HFM1: variants seen among roughly 807,000 people sequenced by gnomAD.
HFM1 encodes the protein helicase for meiosis 1.
In HFM1, 169 loss-of-function variants were observed where a neutral mutation model predicts 192.1. That is an observed-to-expected ratio of 0.88 (90% CI 0.78 to 1.00). The LOEUF (loss-of-function observed/expected upper bound fraction) is 1.00, where lower values mean the gene tolerates loss of function less well. HFM1 is among the 50% of genes least tolerant of loss of function. The probability of loss-of-function intolerance (pLI) is 0.00; values close to 1 mark genes in which losing one functional copy is unlikely to be tolerated. For missense variants in HFM1, 1,661 were observed against 1,668.0 expected (o/e 1.00, Z 0.07); for synonymous variants, 525 against 537.8 (o/e 0.98, Z 0.33).
chr1:91,337,244 T>A (rs527634653), intron 20 of HFM1, among the ~76,000 whole-genome samples: 1 of 152,054 alleles, frequency 6.6e-6, no homozygotes, highest in Non-Finnish European at 1.5e-5. Context: ...CGGGAAAAAA[T>A]TGGCCTTTTG....
At chr1:91,325,811 A>G (rs1652813167) in intron 20 of HFM1, among the ~76,000 whole-genome samples, 1 of 152,204 alleles carries the variant, frequency 6.6e-6, no homozygotes, top group Non-Finnish European at 1.5e-5. Flanking sequence ...CCTTTCAGAC[A>G]GAGAATTCAA....
chr1:91,385,513 C>T (rs1557505957), intron 5 of HFM1, 62 bp downstream of exon 5: 7 of 1,327,444 alleles, frequency 5.3e-6, no homozygotes, highest in Non-Finnish European at 7.3e-6. Context: ...ACATTTTCCC[C>T]CATGCTAAGA....
At chr1:91,368,860 C>T (rs937142967) in intron 13 of HFM1, among the ~76,000 whole-genome samples, 3 of 152,062 alleles carry the variant, frequency 2.0e-5, no homozygotes, top group Non-Finnish European at 4.4e-5. Flanking sequence ...ACCCATCTCA[C>T]GTGCAGAGAC....
intron 13 of HFM1, among the ~76,000 whole-genome samples, chr1:91,365,809 T>C (rs1304854575): frequency 6.6e-6 from 1 of 152,088 alleles, no homozygotes. Context: ...GCTTATTTAA[T>C]TATCATAGAA....
chr1:91,344,092 G>C (rs1386600385), intron 19 of HFM1, among the ~76,000 whole-genome samples: 1 of 152,266 alleles, frequency 6.6e-6, no homozygotes, highest in East Asian at 1.9e-4. Flanking sequence ...ACTTAAAACT[G>C]TTTTAACTGA....
intron 36 of HFM1, among the ~76,000 whole-genome samples, chr1:91,265,244 G>T (rs894619743): frequency 3.3e-5 from 5 of 152,078 alleles, no homozygotes; most frequent in Non-Finnish European, 1.5e-5. Context: ...GACACATCTG[G>T]CCTACAGATA....
chr1:91,299,326 A>G (rs917686298), intron 30 of HFM1, among the ~76,000 whole-genome samples: 16 of 152,252 alleles, frequency 1.1e-4, no homozygotes, highest in African/African-American at 3.4e-4. Flanking sequence ...CTCCCACACA[A>G]TAATAATGGG....
At chr1:91,278,433 G>C (rs905440765) in intron 30 of HFM1, among the ~76,000 whole-genome samples, 1 of 152,134 alleles carries the variant, frequency 6.6e-6, no homozygotes, top group African/African-American at 2.4e-5. Context: ...GAGACAAAGG[G>C]AAGATATTCC....
intron 20 of HFM1, among the ~76,000 whole-genome samples, chr1:91,337,226 A>T (rs12060327): frequency 1.2e-4 from 18 of 152,084 alleles, no homozygotes; most frequent in Non-Finnish European, 1.9e-4. Context: ...ATACCAGAAC[A>T]GTTGAAGCGG....
At chr1:91,281,705 T>C (rs532755943) in intron 30 of HFM1, among the ~76,000 whole-genome samples, 222 of 152,338 alleles carry the variant, frequency 1.5e-3, no homozygotes, top group African/African-American at 5.3e-3. Flanking sequence ...TTGAAAATCA[T>C]TTTTCCCTTG....
chr1:91,403,379 A>C (rs1044237707), intron 1 of HFM1, among the ~76,000 whole-genome samples: 1 of 152,198 alleles, frequency 6.6e-6, no homozygotes, highest in South Asian at 2.1e-4. Flanking sequence ...CAGTTAAAAA[A>C]TGTGAAATTT....
intron 25 of HFM1, among the ~76,000 whole-genome samples, chr1:91,317,009 AT>A (rs1466202841): frequency 6.6e-6 from 1 of 152,126 alleles, no homozygotes; most frequent in Non-Finnish European, 1.5e-5. Flanking sequence ...CTGGAGCCAA[AT>A]TTCCTTACCT....
At position 91,274,734 on chromosome 1, in the gene HFM1, A is replaced by T. The variant is rs1557761045; in HGVS notation, c.3664T>A (p.Ser1222Thr). 6.8e-7 allele frequency: 1 copy of T among 1,462,806 alleles called. No individual in the cohort carries two copies. The highest frequency in any genetic ancestry group is 9.6e-7 in the Non-Finnish European group (1 of 1,045,216). The allele number at this position is 1,462,806 out of a possible 1,614,324, so 90.6% of individuals were successfully genotyped here. A position where few individuals can be genotyped will look rare whatever the true frequency, so the allele number is the denominator to read the frequency against. Residue 1222 changes from serine (S) to threonine (T), a missense_variant, in exon 33 of 39, where the codon TCA (serine) becomes ACA (threonine). Coordinates refer to ENST00000370425, the MANE Select transcript of HFM1 (RefSeq NM_001017975.6). The stretch of plus-strand genomic sequence containing the variant: ...ATATTAACATTATATTTGTACCTTG[A>T]TATACTAGGAAGGGAAGGTTTTGGA... Reference protein sequence around the residue: ...FTPKPSLPSISRSEYLNISEL... With the variant: ...FTPKPSLPSITRSEYLNISEL...
rs1198038060 is a variant in HFM1, at chr1:91,378,492, A to T, written c.1159-12T>A. 6.6e-7 allele frequency: 1 copy of T among 1,524,872 alleles called. No homozygotes were observed. The highest frequency in any genetic ancestry group is 9.1e-7 in the Non-Finnish European group (1 of 1,103,096). The allele number at this position is 1,524,872 out of a possible 1,614,324, so 94.5% of individuals were successfully genotyped here. On this transcript the variant is annotated splice_polypyrimidine_tract_variant and intron_variant, in intron 9 of 38. Transcript: ENST00000370425. Reference sequence around the variant, plus strand: ...CTATCCCATTTTTCCTAGAGAGAAAAAAAAGCATACAAGTAGTTTAATGTG... The same window carrying T: ...CTATCCCATTTTTCCTAGAGAGAAATAAAAGCATACAAGTAGTTTAATGTG...
chr1:91,281,086 G>C (rs1251822258), intron 30 of HFM1, among the ~76,000 whole-genome samples: 1 of 152,208 alleles, frequency 6.6e-6, no homozygotes, highest in Non-Finnish European at 1.5e-5. Context: ...TCACCATATA[G>C]AGTGTAATAT....
At chr1:91,333,862 T>G (rs1342683371) in intron 20 of HFM1, among the ~76,000 whole-genome samples, 3 of 152,114 alleles carry the variant, frequency 2.0e-5, no homozygotes, top group African/African-American at 7.2e-5. Flanking sequence ...TCTCTAGAAT[T>G]TATAGGTTGG....
intron 30 of HFM1, among the ~76,000 whole-genome samples, chr1:91,279,692 T>C (rs531035248): frequency 2.0e-5 from 3 of 152,302 alleles, no homozygotes; most frequent in Admixed American, 1.3e-4. Context: ...TCTCTTGTCT[T>C]AGAAGACCCT....
At chr1:91,300,149 T>C (rs1217394399) in intron 30 of HFM1, among the ~76,000 whole-genome samples, 1 of 152,118 alleles carries the variant, frequency 6.6e-6, no homozygotes, top group Non-Finnish European at 1.5e-5. Flanking sequence ...GAGAATACTA[T>C]AAACACCTCT....
intron 20 of HFM1, among the ~76,000 whole-genome samples, chr1:91,336,121 C>T (rs939120379): frequency 6.0e-5 from 9 of 149,646 alleles, no homozygotes; most frequent in Admixed American, 5.3e-4. Context: ...TCCCATCCTC[C>T]TTGGAGGCTA....
Sources: allele counts gnomAD v4.1 joint callset (sites outside exome capture counted in the v4.1 genomes callset), GRCh38; gene constraint gnomAD v4.1.1; transcripts MANE v1.5; gene names NCBI Gene and HGNC (gene_info 2026-07-23, HGNC 2026-07-21).